SLC8A1: variants seen among roughly 807,000 people sequenced by gnomAD.
SLC8A1 encodes solute carrier family 8 member A1.
In SLC8A1, 18 loss-of-function variants were observed where a neutral mutation model predicts 68.3. The observed-to-expected ratio is 0.26, with a 90% CI of 0.18 to 0.39. The LOEUF is 0.39. SLC8A1 is among the 10% of genes least tolerant of loss of function. SLC8A1 has a pLI of 1.00. For missense variants in SLC8A1, 985 were observed against 1,156.7 expected, an observed-to-expected ratio of 0.85 and a Z score of 2.15; for synonymous variants, 475 against 415.5, an observed-to-expected ratio of 1.14 and a Z score of -1.74.
intron 2 of SLC8A1, among the ~76,000 whole-genome samples, chr2:40,282,301 C>T (rs1463401379): frequency 1.3e-5 from 2 of 152,122 alleles, no homozygotes; most frequent in African/African-American, 4.8e-5. Flanking sequence ...ATTCAGCTTG[C>T]TCACCCCAGA....
chr2:40,216,217 C>T (rs1332357442), intron 2 of SLC8A1, among the ~76,000 whole-genome samples: 1 of 152,020 alleles, frequency 6.6e-6, no homozygotes. Context: ...CATGTGTTCT[C>T]AATGTTCAAC....
At chr2:40,482,565 T>C (rs1218623305) in intron 1 of SLC8A1, among the ~76,000 whole-genome samples, 2 of 152,086 alleles carry the variant, frequency 1.3e-5, no homozygotes, top group Non-Finnish European at 2.9e-5. Flanking sequence ...TTATTATTTC[T>C]ATTTTATGGG....
At chr2:40,490,043 G>T (rs72953166) in intron 1 of SLC8A1, among the ~76,000 whole-genome samples, 1,817 of 151,930 alleles carry the variant, frequency 0.012, 37 homozygotes, top group African/African-American at 0.041. Flanking sequence ...TTCCCTCTCC[G>T]ATCAAAAAAC....
chr2:40,212,496 G>A (rs1470414765), intron 2 of SLC8A1, among the ~76,000 whole-genome samples: 2 of 151,992 alleles, frequency 1.3e-5, no homozygotes, highest in African/African-American at 4.8e-5. Flanking sequence ...TGTTGGCCAG[G>A]ATGGTCTGTA....
intron 2 of SLC8A1, among the ~76,000 whole-genome samples, chr2:40,383,180 T>C (rs1228081028): frequency 6.6e-6 from 1 of 152,126 alleles, no homozygotes. Flanking sequence ...ACGTTGTAGA[T>C]AATAAACATA....
Position 40,429,052 on chromosome 2 carries a change from AAG to A in SLC8A1, c.1227_1228del (p.Phe410LeufsTer2). On this transcript the variant is annotated frameshift_variant, in exon 2 of 8. Transcript: ENST00000406785. LOFTEE classifies it high-confidence loss of function. ...ACACTGATATGTCCCTTGTTCAAAG[AAG>A]ATCTTACTAACAGGGTCATTTTCAG... The A allele has an allele frequency of 6.2e-7, 1 of 1,612,188 alleles. No homozygotes were observed.
At chr2:40,317,982 A>T (rs1351433673) in intron 2 of SLC8A1, among the ~76,000 whole-genome samples, 1 of 152,070 alleles carries the variant, frequency 6.6e-6, no homozygotes, top group African/African-American at 2.4e-5. Context: ...CAGGGCTGAG[A>T]GGATTGGAGA....
chr2:40,118,900 T>A (rs2036158005), intron 7 of SLC8A1, among the ~76,000 whole-genome samples: 1 of 152,026 alleles, frequency 6.6e-6, no homozygotes, highest in South Asian at 2.1e-4. Context: ...CCTGATACAT[T>A]GCACACTGGA....
chr2:40,238,212 C>T lies in SLC8A1; in HGVS notation c.1809-60357G>A, dbSNP rs561390745. Reference sequence around the variant, plus strand: ...GGCGCCCCTCCCCCAGCCTCGCTGCCGCCTTGCAGTTTGATCTCAGACTGC... The same window carrying T: ...GGCGCCCCTCCCCCAGCCTCGCTGCTGCCTTGCAGTTTGATCTCAGACTGC... On this transcript the variant is annotated intron_variant, in intron 2 of 7. Coordinates refer to ENST00000406785, the Ensembl canonical transcript of SLC8A1. 6.1e-4 allele frequency among the ~76,000 whole-genome samples: 93 copies of T among 152,118 alleles called. No individual in the cohort carries two copies. In the South Asian group the frequency reaches 8.5e-3, roughly 14 times the overall value.
intron 2 of SLC8A1, among the ~76,000 whole-genome samples, chr2:40,368,885 C>T (rs932278727): frequency 6.6e-6 from 1 of 152,008 alleles, no homozygotes; most frequent in Non-Finnish European, 1.5e-5. Context: ...AATAAGACCA[C>T]ACACCCACAA....
intron 2 of SLC8A1, among the ~76,000 whole-genome samples, chr2:40,277,376 C>T (rs370701400): frequency 6.6e-6 from 1 of 152,032 alleles, no homozygotes; most frequent in African/African-American, 2.4e-5. Context: ...ACCGTCTCCA[C>T]TAAAAACACA....
rs573248519 is a variant in SLC8A1 at position 40,436,538 on chromosome 2, G to C, written c.-24-6234C>G. On this transcript the variant is annotated intron_variant, in intron 1 of 7. Coordinates refer to ENST00000406785, the Ensembl canonical transcript of SLC8A1. Reference sequence around the variant, plus strand: ...GCCCTGACATTTTCCCCACAACCTGGGTGTGTGTCTTCCAGCATCAGCCCT... The same window carrying C: ...GCCCTGACATTTTCCCCACAACCTGCGTGTGTGTCTTCCAGCATCAGCCCT... 1.0e-3 allele frequency among the ~76,000 whole-genome samples: 152 copies of C among 152,142 alleles called. 1 individual carries two copies. The highest frequency in any genetic ancestry group is 3.5e-3 in the African/African-American group (147 of 41,512).
intron 2 of SLC8A1, among the ~76,000 whole-genome samples, chr2:40,396,762 AAAAAAAAAAAAAAAAC>A (rs1687068975): frequency 1.6e-5 from 1 of 61,510 alleles, no homozygotes; most frequent in Non-Finnish European, 4.9e-5. Context: ...AAAAAAAAAA[AAAAAAAAAAAAAAAAC>A]AAGAGAAGTT....
chr2:40,139,344 C>T (rs538921151), intron 7 of SLC8A1, 57 bp downstream of exon 10: 8 of 1,585,004 alleles, frequency 5.0e-6, no homozygotes, highest in Non-Finnish European at 6.0e-6. Flanking sequence ...AAGAAAGTGT[C>T]AAGAAGGCAA....
rs542708974 is a variant in SLC8A1, at chr2:40,476,257, G to A, written c.-25+36092C>T. On this transcript the variant is annotated intron_variant, in intron 1 of 7. Transcript: ENST00000402441. Reference sequence around the variant, plus strand: ...AGCCTATAGAAACTCTGGACCCAAGGACTAAAGCAATGCTGTTTCAGTTTC... The same window carrying A: ...AGCCTATAGAAACTCTGGACCCAAGAACTAAAGCAATGCTGTTTCAGTTTC... 1.1e-4 allele frequency among the ~76,000 whole-genome samples: 16 copies of A among 152,182 alleles called. No homozygotes were observed. In the East Asian group the frequency reaches 2.7e-3, roughly 26 times the overall value.
intron 2 of SLC8A1, among the ~76,000 whole-genome samples, chr2:40,325,847 G>A (rs1314426261): frequency 6.7e-6 from 1 of 150,314 alleles, no homozygotes; most frequent in Non-Finnish European, 1.5e-5. Context: ...CCAGCTACTT[G>A]GGACTGATAT....
chr2:40,122,226 G>A (rs1544645), intron 7 of SLC8A1, among the ~76,000 whole-genome samples: 11 of 136,098 alleles, frequency 8.1e-5, no homozygotes, highest in African/African-American at 2.0e-4. Flanking sequence ...ACACACACAC[G>A]TGTGCGCGCG....
chr2:40,511,255 C>T (rs1376677909), intron 1 of SLC8A1, among the ~76,000 whole-genome samples: 2 of 152,066 alleles, frequency 1.3e-5, no homozygotes, highest in African/African-American at 2.4e-5. Context: ...TAAAATAAAT[C>T]TTGAGTTTAA....
In SLC8A1 at chr2:40,194,370, T is replaced by A. The variant is rs139173748; in HGVS notation, c.1809-16515A>T. Among the ~76,000 whole-genome samples, 62 of 151,998 alleles carry A rather than the reference T, an allele frequency of 4.1e-4. 1 individual carries two copies. The highest frequency in any genetic ancestry group is 1.3e-3 in the African/African-American group (56 of 41,482). On this transcript the variant is annotated intron_variant, in intron 2 of 7. Coordinates refer to ENST00000406785, the Ensembl canonical transcript of SLC8A1. Reference sequence around the variant, plus strand: ...GGTGAGAGAATTACAACCAAGATGATATAATGAAATGAAAATTTACAAGTT... The same window carrying A: ...GGTGAGAGAATTACAACCAAGATGAAATAATGAAATGAAAATTTACAAGTT...
Sources: gnomAD v4.1 joint callset for allele counts (sites outside exome capture counted in the v4.1 genomes callset) on GRCh38, gnomAD v4.1.1 for gene constraint, MANE v1.5 for transcripts, NCBI Gene and HGNC (gene_info 2026-07-23, HGNC 2026-07-21) for gene names.